ADGRB3: variants seen among roughly 807,000 people sequenced by gnomAD.
ADGRB3 encodes the protein brain-specific angiogenesis inhibitor 3.
In ADGRB3, 37 loss-of-function variants were observed where a neutral mutation model predicts 193.4. The observed-to-expected ratio is 0.19, with a 90% CI of 0.15 to 0.25. The LOEUF is 0.25. Among genes scored for constraint, ADGRB3 ranks in the 10% least tolerant of loss-of-function variants. The pLI is 1.00. For synonymous variants in ADGRB3, 690 were observed against 644.2 expected (o/e 1.07, Z -1.08); for missense variants, 1,637 against 1,852.9 (o/e 0.88, Z 2.14).
At chr6:68,850,626 A>C (rs1400325860) in intron 3 of ADGRB3, among the ~76,000 whole-genome samples, 1 of 152,008 alleles carries the variant, frequency 6.6e-6, no homozygotes, top group Non-Finnish European at 1.5e-5. Context: ...AAATAATATT[A>C]TAGATTCAAC....
At chr6:69,026,559 T>A (rs1237154937) in intron 13 of ADGRB3, among the ~76,000 whole-genome samples, 1 of 152,188 alleles carries the variant, frequency 6.6e-6, no homozygotes, top group Non-Finnish European at 1.5e-5. Context: ...CTGAAAGGAA[T>A]GCAAAATGCT....
intron 17 of ADGRB3, among the ~76,000 whole-genome samples, chr6:69,106,134 G>A (rs1430837079): frequency 8.1e-6 from 1 of 123,254 alleles, no homozygotes; most frequent in African/African-American, 2.9e-5. Flanking sequence ...ACTCCAGCCT[G>A]GGCAACAGGC....
chr6:69,147,162 A>G (rs753381486), intron 17 of ADGRB3, among the ~76,000 whole-genome samples: 1 of 151,290 alleles, frequency 6.6e-6, no homozygotes, highest in Non-Finnish European at 1.5e-5. Flanking sequence ...TCTGATCTTT[A>G]TTATTTCTTT....
At chr6:69,205,970 G>T (rs1166827827) in intron 17 of ADGRB3, among the ~76,000 whole-genome samples, 6 of 141,810 alleles carry the variant, frequency 4.2e-5, no homozygotes, top group Non-Finnish European at 6.1e-5. Flanking sequence ...TTTTTACATT[G>T]TATTAGTCAG....
chr6:69,024,433 A>T (rs1024952663), intron 13 of ADGRB3, among the ~76,000 whole-genome samples: 8 of 152,202 alleles, frequency 5.3e-5, no homozygotes, highest in Middle Eastern at 3.2e-3. Context: ...GTTTCAATGG[A>T]TTACACCCAT....
chr6:68,875,310 G>C (rs1765569193), intron 3 of ADGRB3, among the ~76,000 whole-genome samples: 1 of 136,642 alleles, frequency 7.3e-6, no homozygotes, highest in African/African-American at 2.7e-5. Context: ...ACAAAATTAT[G>C]AATAGAATGT....
At chr6:68,784,772 T>C (rs1766926180) in intron 3 of ADGRB3, among the ~76,000 whole-genome samples, 1 of 152,146 alleles carries the variant, frequency 6.6e-6, no homozygotes, top group African/African-American at 2.4e-5. Flanking sequence ...TACTTTCTCG[T>C]ATGCACTCAT....
At chr6:69,010,350 A>T (rs1336636) in intron 11 of ADGRB3, among the ~76,000 whole-genome samples, 61,639 of 151,898 alleles carry the variant, frequency 0.41, 13,169 homozygotes, top group Middle Eastern at 0.45. Flanking sequence ...AGAGGAAGAG[A>T]CATTAAAGAG....
chr6:69,159,264 T>C (rs1017451441), intron 17 of ADGRB3, among the ~76,000 whole-genome samples: 2 of 152,160 alleles, frequency 1.3e-5, no homozygotes, highest in African/African-American at 2.4e-5. Context: ...GTAGAATTTA[T>C]GTGTTCCAAA....
intron 15 of ADGRB3, among the ~76,000 whole-genome samples, chr6:69,055,794 T>G (rs1345628936): frequency 1.3e-5 from 2 of 148,342 alleles, no homozygotes; most frequent in Non-Finnish European, 3.0e-5. Context: ...TGTTATGTTG[T>G]TTTTTTGTTT....
At chr6:68,875,382 TA>T (rs138818442) in intron 3 of ADGRB3, among the ~76,000 whole-genome samples, 20,154 of 150,826 alleles carry the variant, frequency 0.13, 1,780 homozygotes, top group Middle Eastern at 0.2. Context: ...TTGGTAAGGT[TA>T]AAAGGGAAGC....
chr6:69,171,873 G>A (rs1224768469), intron 17 of ADGRB3, among the ~76,000 whole-genome samples: 2 of 152,116 alleles, frequency 1.3e-5, no homozygotes, highest in Non-Finnish European at 2.9e-5. Flanking sequence ...GCAGCTTGAC[G>A]TTTGATTCTA....
chr6:68,712,438 T>C (rs1424520170), intron 3 of ADGRB3, among the ~76,000 whole-genome samples: 1 of 152,046 alleles, frequency 6.6e-6, no homozygotes, highest in Non-Finnish European at 1.5e-5. Context: ...CTCTAGCGTG[T>C]TTTATTGCTA....
At chr6:69,352,568 C>A (rs370178847) in intron 26 of ADGRB3, among the ~76,000 whole-genome samples, 2 of 152,160 alleles carry the variant, frequency 1.3e-5, no homozygotes, top group South Asian at 4.1e-4. Context: ...ATGGCCACAT[C>A]AGTAGGATTA....
rs570473219 is a variant in ADGRB3 at position 68,934,376 on chromosome 6, A to G, written c.869-2143A>G. Among the ~76,000 whole-genome samples the G allele has an allele frequency of 6.3e-4, 96 of 152,270 alleles. 4 individuals are homozygous for G. In the South Asian group the frequency reaches 0.019, roughly 30 times the overall value. ...AGTATCATACATTCAGAAGCAACCC[A>G]AATGTTTAAATACTTGTACGAAAGT... On this transcript the variant is annotated intron_variant, in intron 4 of 31. Transcript: ENST00000370598.
intron 3 of ADGRB3, among the ~76,000 whole-genome samples, chr6:68,734,121 G>T (rs1319856581): frequency 6.6e-6 from 1 of 151,512 alleles, no homozygotes; most frequent in Non-Finnish European, 1.5e-5. Context: ...GAAAAATTTG[G>T]TATCATAAAT....
intron 20 of ADGRB3, among the ~76,000 whole-genome samples, chr6:69,264,955 A>G (rs1232292318): frequency 6.6e-6 from 1 of 151,922 alleles, no homozygotes; most frequent in African/African-American, 2.4e-5. Context: ...TGTTCAAAAT[A>G]TTAGCCTTCT....
chr6:69,300,054 A>G (rs763701676), intron 20 of ADGRB3, among the ~76,000 whole-genome samples: 16 of 151,886 alleles, frequency 1.1e-4, no homozygotes, highest in Non-Finnish European at 1.8e-4. Context: ...TCTGATGACT[A>G]TAGATGCAAA....
At chr6:69,369,075 A>T (rs1312546971) in intron 29 of ADGRB3, among the ~76,000 whole-genome samples, 1 of 152,164 alleles carries the variant, frequency 6.6e-6, no homozygotes, top group Non-Finnish European at 1.5e-5. Flanking sequence ...TCCCTGGCTT[A>T]TATTAAATTT....
Sources: allele counts gnomAD v4.1 joint callset (sites outside exome capture counted in the v4.1 genomes callset), GRCh38; gene constraint gnomAD v4.1.1; transcripts MANE v1.5; gene names NCBI Gene and HGNC (gene_info 2026-07-23, HGNC 2026-07-21).